SFMBT1: variants seen among roughly 807,000 people sequenced by gnomAD.
SFMBT1 encodes Scm like with four mbt domains 1.
A neutral mutation model predicts 108.7 loss-of-function variants in SFMBT1; 32 were observed. The observed-to-expected ratio is 0.29, with a 90% CI of 0.22 to 0.40. The LOEUF (loss-of-function observed/expected upper bound fraction) is 0.40, where lower values mean the gene tolerates loss of function less well. SFMBT1 is among the 10% of genes least tolerant of loss of function. The pLI is 1.00. For missense variants in SFMBT1, 816 were observed against 1,059.6 expected (o/e 0.77, Z 3.19); for synonymous variants, 348 against 369.5 (o/e 0.94, Z 0.67).
At chr3:53,023,821 G>A (rs1699393990) in intron 1 of SFMBT1, among the ~76,000 whole-genome samples, 1 of 152,194 alleles carries the variant, frequency 6.6e-6, no homozygotes, top group African/African-American at 2.4e-5. Context: ...CCTCTTGAAT[G>A]AAACACCTGG....
At chr3:52,977,993 T>A (rs1704575658) in intron 1 of SFMBT1, among the ~76,000 whole-genome samples, 1 of 145,872 alleles carries the variant, frequency 6.9e-6, no homozygotes, top group African/African-American at 2.5e-5. Flanking sequence ...AAACTTATTA[T>A]GTGTCAGGCA....
chr3:53,007,364 C>G (rs1168502784), intron 1 of SFMBT1, among the ~76,000 whole-genome samples: 1 of 152,148 alleles, frequency 6.6e-6, no homozygotes, highest in African/African-American at 2.4e-5. Flanking sequence ...ATATATTAGA[C>G]TAAGGACCAA....
intron 3 of SFMBT1, among the ~76,000 whole-genome samples, chr3:52,949,572 T>C: frequency 8.8e-6 from 1 of 113,356 alleles, no homozygotes; most frequent in African/African-American, 3.2e-5. Flanking sequence ...GTCCTTCTTT[T>C]TTTTTTTTTT....
chr3:52,932,742 C>T (rs935847444), intron 5 of SFMBT1, among the ~76,000 whole-genome samples: 1 of 152,048 alleles, frequency 6.6e-6, no homozygotes. Flanking sequence ...GAAACCCCGT[C>T]TCTACTAAAA....
intron 1 of SFMBT1, among the ~76,000 whole-genome samples, chr3:53,008,084 G>A (rs1183980458): frequency 6.6e-6 from 1 of 151,222 alleles, no homozygotes; most frequent in Non-Finnish European, 1.5e-5. Flanking sequence ...AAAAAAAAAG[G>A]CGGTGGGGAA....
chr3:53,027,600 C>G (rs1699538257), intron 1 of SFMBT1, among the ~76,000 whole-genome samples: 1 of 152,216 alleles, frequency 6.6e-6, no homozygotes, highest in Non-Finnish European at 1.5e-5. Flanking sequence ...GAAGGAAATT[C>G]AGTGATTCAG....
Position 53,001,895 on chromosome 3 carries a change from G to C in SFMBT1, c.-130-32637C>G, listed in dbSNP as rs372919718. 4.2e-5 allele frequency among the ~76,000 whole-genome samples: 6 copies of C among 141,814 alleles called. 1 individual carries two copies. In the Admixed American group the frequency reaches 4.5e-4, roughly 11 times the overall value. The allele number at this position is 141,814 out of a possible 152,430, so 93.0% of individuals were successfully genotyped here. A position where few individuals can be genotyped will look rare whatever the true frequency, so the allele number is the denominator to read the frequency against. On this transcript the variant is annotated intron_variant, in intron 1 of 20. Coordinates refer to ENST00000394752, the MANE Select transcript of SFMBT1 (RefSeq NM_016329.4). ...AGCACTGATCCTGCCACCGCATTCCGGCCTGGGCAACAGAGCAAGACCCAG... is the reference window on the plus strand; with the variant it reads ...AGCACTGATCCTGCCACCGCATTCCCGCCTGGGCAACAGAGCAAGACCCAG...
chr3:53,032,335 A>C (rs745423624), intron 1 of SFMBT1, among the ~76,000 whole-genome samples: 3 of 152,140 alleles, frequency 2.0e-5, no homozygotes, highest in Non-Finnish European at 4.4e-5. Flanking sequence ...ACACCCCTGC[A>C]CTCCAGCCTG....
intron 5 of SFMBT1, among the ~76,000 whole-genome samples, chr3:52,932,859 C>T (rs1264413050): frequency 6.6e-6 from 1 of 152,070 alleles, no homozygotes; most frequent in Admixed American, 6.5e-5. Flanking sequence ...TATGGTGAGC[C>T]AAGATCATGC....
At chr3:52,921,668 G>A in intron 11 of SFMBT1, 37 bp downstream of exon 11, 2 of 1,604,404 alleles carry the variant, frequency 1.2e-6, no homozygotes, top group Non-Finnish European at 8.5e-7. Flanking sequence ...TCAAAGGAGA[G>A]TGGCCACAGG....
chr3:53,025,397 C>G (rs184417834), intron 1 of SFMBT1, among the ~76,000 whole-genome samples: 128 of 152,210 alleles, frequency 8.4e-4, no homozygotes, highest in Middle Eastern at 3.4e-3. Flanking sequence ...CACTTTAATT[C>G]AGGAATTTGA....
At chr3:52,907,795 C>T (rs1294546746) in intron 17 of SFMBT1, 62 bp from the exon 18 acceptor site, 1 of 1,461,036 alleles carries the variant, frequency 6.8e-7, no homozygotes, top group African/African-American at 1.4e-5. Context: ...CTCAAAACCA[C>T]AAGAGATTTT....
At chr3:52,919,201 A>G (rs1050151862) in intron 12 of SFMBT1, among the ~76,000 whole-genome samples, 1 of 152,190 alleles carries the variant, frequency 6.6e-6, no homozygotes, top group African/African-American at 2.4e-5. Flanking sequence ...TAAAACTATA[A>G]AACTCTTAGA....
At chr3:53,016,255 A>G (rs1339522548) in intron 1 of SFMBT1, among the ~76,000 whole-genome samples, 3 of 151,956 alleles carry the variant, frequency 2.0e-5, no homozygotes, top group Non-Finnish European at 4.4e-5. Flanking sequence ...ACACTACTAC[A>G]CTCTCTGAGC....
chr3:52,998,458 T>A (rs1160583093), intron 1 of SFMBT1, among the ~76,000 whole-genome samples: 1 of 150,132 alleles, frequency 6.7e-6, no homozygotes, highest in Non-Finnish European at 1.5e-5. Flanking sequence ...TTGGAGAAAG[T>A]AAAGGCTGGG....
At chr3:52,942,303 T>C (rs995908815) in intron 4 of SFMBT1, among the ~76,000 whole-genome samples, 1 of 152,206 alleles carries the variant, frequency 6.6e-6, no homozygotes, top group South Asian at 2.1e-4. Context: ...AAGGGCATCA[T>C]GTCTAAAACT....
intron 1 of SFMBT1, among the ~76,000 whole-genome samples, chr3:52,975,954 T>C (rs1704504219): frequency 6.6e-6 from 1 of 152,012 alleles, no homozygotes; most frequent in African/African-American, 2.4e-5. Context: ...GAGGCTGTAA[T>C]GACCCAAGAT....
chr3:52,908,931 G>C (rs1357436108), intron 17 of SFMBT1, among the ~76,000 whole-genome samples: 1 of 152,138 alleles, frequency 6.6e-6, no homozygotes, highest in African/African-American at 2.4e-5. Flanking sequence ...AAAAGAGAGA[G>C]ACTAAGTCTT....
At chr3:52,934,958 A>C in intron 4 of SFMBT1, 57 bp from the exon 5 acceptor site, 1 of 1,412,984 alleles carries the variant, frequency 7.1e-7, no homozygotes, top group Non-Finnish European at 9.9e-7. Flanking sequence ...AATGCAGAGA[A>C]ACCGAAATCA....
Sources: allele counts gnomAD v4.1 joint callset (sites outside exome capture counted in the v4.1 genomes callset), GRCh38; gene constraint gnomAD v4.1.1; transcripts MANE v1.5; gene names NCBI Gene and HGNC (gene_info 2026-07-23, HGNC 2026-07-21).